The following LRP6 variants were observed in gnomAD, a reference collection of about 807,000 sequenced individuals.
The protein encoded by LRP6 is low-density lipoprotein receptor-related protein 6.
A neutral mutation model predicts 184.1 loss-of-function variants in LRP6; 43 were observed. The observed-to-expected ratio is 0.23, with a 90% CI of 0.18 to 0.30. LRP6 has a LOEUF of 0.30. LRP6 is among the 10% of genes least tolerant of loss of function. The probability of loss-of-function intolerance (pLI) is 1.00; values close to 1 mark genes in which losing one functional copy is unlikely to be tolerated. For missense variants in LRP6, 1,571 were observed against 2,005.3 expected (o/e 0.78, Z 4.14); for synonymous variants, 719 against 684.9 (o/e 1.05, Z -0.78).
At chr12:12,266,617 C>A in intron 1 of LRP6, 64 bp downstream of exon 1, 4 of 1,217,016 alleles carry the variant, frequency 3.3e-6, no homozygotes, top group Non-Finnish European at 4.8e-6. Context: ...TCCCCCTAGA[C>A]ACATACAACA....
intron 12 of LRP6, among the ~76,000 whole-genome samples, chr12:12,152,656 CTG>C (rs1950097995): frequency 6.6e-6 from 1 of 152,160 alleles, no homozygotes; most frequent in Non-Finnish European, 1.5e-5. Context: ...ATTAAAATAT[CTG>C]TATACATTTC....
At position 12,148,931 on chromosome 12, in the gene LRP6, T is replaced by A; in HGVS notation, c.3206+11A>T. On this transcript the variant is annotated intron_variant, in intron 14 of 22. Coordinates refer to ENST00000261349, the MANE Select transcript of LRP6 (RefSeq NM_002336.3). The stretch of plus-strand genomic sequence containing the variant: ...AAGCCACAGTATCTGAACGCCACTT[T>A]AGTAACATACCCTTTCTCTGGGTTT... The A allele has an allele frequency of 6.2e-7, 1 of 1,607,820 alleles. No individual in the cohort carries two copies. The highest frequency in any genetic ancestry group is 8.5e-7 in the Non-Finnish European group (1 of 1,175,522).
At chr12:12,213,694 T>G (rs909001914) in intron 2 of LRP6, among the ~76,000 whole-genome samples, 16 of 152,096 alleles carry the variant, frequency 1.1e-4, no homozygotes, top group African/African-American at 3.9e-4. Flanking sequence ...ATAAACTGAT[T>G]TTTTCTTTCC....
chr12:12,245,270 T>A (rs1385782327), intron 1 of LRP6, among the ~76,000 whole-genome samples: 1 of 152,102 alleles, frequency 6.6e-6, no homozygotes, highest in African/African-American at 2.4e-5. Context: ...CCTTTGTACA[T>A]GAAAAATGGG....
intron 14 of LRP6, among the ~76,000 whole-genome samples, chr12:12,148,160 G>A (rs1314332228): frequency 6.6e-6 from 1 of 151,572 alleles, no homozygotes; most frequent in East Asian, 1.9e-4. Context: ...AGCAACAAAG[G>A]TACACAGAAG....
At chr12:12,226,777 A>G (rs1864635573) in intron 2 of LRP6, 1 of 152,222 alleles carries the variant, frequency 6.6e-6, no homozygotes, top group South Asian at 2.1e-4. Context: ...TAGTATTTTT[A>G]TAATATATAT....
Position 12,203,409 on chromosome 12 carries a change from C to T in LRP6, c.450-9G>A. 1 of 1,599,052 alleles carries T rather than the reference C, an allele frequency of 6.3e-7. No individual in the cohort carries two copies. On this transcript the variant is annotated splice_polypyrimidine_tract_variant and intron_variant, in intron 2 of 22. Transcript: ENST00000261349. ...CTGTCCAGTACATGAACCTAAAAAT[C>T]ATAAAAATAATTAAAGCCATGACAG...
chr12:12,251,222 G>A (rs749669728), intron 1 of LRP6, among the ~76,000 whole-genome samples: 6 of 152,146 alleles, frequency 3.9e-5, no homozygotes, highest in Non-Finnish European at 8.8e-5. Context: ...GTGAGCCACC[G>A]TGCCCAGCCA....
intron 7 of LRP6, among the ~76,000 whole-genome samples, chr12:12,165,982 T>C (rs1862868710): frequency 6.6e-6 from 1 of 152,220 alleles, no homozygotes; most frequent in South Asian, 2.1e-4. Flanking sequence ...AAATTCACTC[T>C]GGCATTCATA....
Position 12,121,057 on chromosome 12 carries a change from C to T in LRP6, c.*69G>A, listed in dbSNP as rs534923288. 4 of 1,425,718 alleles carry T rather than the reference C, an allele frequency of 2.8e-6. No individual in the cohort carries two copies. The highest frequency in any genetic ancestry group is 2.4e-5 in the East Asian group (1 of 40,862). The allele number at this position is 1,425,718 out of a possible 1,614,324, so 88.3% of individuals were successfully genotyped here. A position where few individuals can be genotyped will look rare whatever the true frequency, so the allele number is the denominator to read the frequency against. ...CCTTCTCTAATAGCTCCCTCCCCCC[C>T]TCCAGATCTCAACCAAATTTATATT... On this transcript the variant is annotated 3_prime_UTR_variant, in exon 23 of 23. Coordinates refer to ENST00000261349, the MANE Select transcript of LRP6 (RefSeq NM_002336.3).
Position 12,244,427 on chromosome 12 carries a change from A to G in LRP6, c.284T>C (p.Leu95Ser). Reference sequence around the variant, plus strand: ...ATCACATGCCAGCCCATCGGGGGACAATAATCCAGAAACAACAACATTCTG... The same window carrying G: ...ATCACATGCCAGCCCATCGGGGGACGATAATCCAGAAACAACAACATTCTG... ...SVQNVVVSGL[L>S]SPDGLACDWL... The change falls in exon 2 of 23, where the codon TTG (leucine) becomes TCG (serine). Residue 95 changes from leucine (L) to serine (S), a missense_variant. Leu to Ser is a moderately radical substitution (Grantham distance 145). Around this residue, in one of 4 missense-constraint regions of LRP6, gnomAD observed 640 missense variants for 851.9 expected, o/e 0.75. Coordinates refer to ENST00000261349, the MANE Select transcript of LRP6 (RefSeq NM_002336.3). The G allele has an allele frequency of 6.2e-7, 1 of 1,614,224 alleles. No individual in the cohort carries two copies. Among genetic ancestry groups the G allele is most frequent in the Non-Finnish European group, 8.5e-7 (1 of 1,180,040 alleles).
At chr12:12,132,825 A>C in intron 17 of LRP6, among the ~76,000 whole-genome samples, 1 of 152,210 alleles carries the variant, frequency 6.6e-6, no homozygotes, top group East Asian at 1.9e-4. Flanking sequence ...GTAGTTTCTA[A>C]TGGGAAAGCA....
At chr12:12,245,260 C>G (rs116712557) in intron 1 of LRP6, among the ~76,000 whole-genome samples, 398 of 152,140 alleles carry the variant, frequency 2.6e-3, no homozygotes, top group African/African-American at 8.5e-3. Context: ...AATAATGAAC[C>G]CTTTGTACAT....
At chr12:12,213,388 T>G (rs1214432103) in intron 2 of LRP6, among the ~76,000 whole-genome samples, 1 of 152,114 alleles carries the variant, frequency 6.6e-6, no homozygotes, top group Non-Finnish European at 1.5e-5. Flanking sequence ...TTTTTTTCAG[T>G]TTAGCTATTG....
At chr12:12,193,380 A>G (rs1345200625) in intron 3 of LRP6, among the ~76,000 whole-genome samples, 4 of 151,558 alleles carry the variant, frequency 2.6e-5, no homozygotes, top group Non-Finnish European at 4.4e-5. Flanking sequence ...GTTAAAAAAA[A>G]AAAAGGCAAT....
chr12:12,128,243 G>C (rs1949700824), intron 19 of LRP6, among the ~76,000 whole-genome samples: 1 of 152,196 alleles, frequency 6.6e-6, no homozygotes, highest in East Asian at 1.9e-4. Flanking sequence ...AAAAAAGTCT[G>C]ATCAATATTC....
intron 1 of LRP6, among the ~76,000 whole-genome samples, chr12:12,245,747 G>A (rs1354626529): frequency 6.6e-6 from 1 of 152,068 alleles, no homozygotes; most frequent in Admixed American, 6.6e-5. Flanking sequence ...TGAAGCTGTT[G>A]GGAGTGAGGT....
chr12:12,199,255 G>A (rs762174102), intron 3 of LRP6, among the ~76,000 whole-genome samples: 1 of 151,956 alleles, frequency 6.6e-6, no homozygotes, highest in Non-Finnish European at 1.5e-5. Flanking sequence ...AAGTACGTAG[G>A]GTCAAAGGAA....
chr12:12,262,815 T>G (rs1013476965), intron 1 of LRP6, among the ~76,000 whole-genome samples: 1 of 152,152 alleles, frequency 6.6e-6, no homozygotes. Context: ...CCATACATAT[T>G]TGCTAAAAGA....
Sources: gnomAD v4.1 joint callset for allele counts (sites outside exome capture counted in the v4.1 genomes callset) on GRCh38, gnomAD v4.1.1 for gene constraint, gnomAD v4.1.1 regional missense constraint, MANE v1.5 for transcripts, NCBI Gene and HGNC (gene_info 2026-07-23, HGNC 2026-07-21) for gene names.